UNC13C: variants seen among roughly 807,000 people sequenced by gnomAD.
UNC13C encodes protein unc-13 homolog C.
A neutral mutation model predicts 245.4 loss-of-function variants in UNC13C; 174 were observed. That is an observed-to-expected ratio of 0.71 (90% CI 0.63 to 0.80). The LOEUF (loss-of-function observed/expected upper bound fraction) is 0.80. UNC13C is among the 30% of genes least tolerant of loss of function. UNC13C has a pLI of 0.00. For missense variants in UNC13C, 2,829 were observed against 2,602.9 expected (o/e 1.09, Z -1.89); for synonymous variants, 992 against 895.1 (o/e 1.11, Z -1.93).
At chr15:53,995,631 A>G (rs1369409306) in intron 1 of UNC13C, among the ~76,000 whole-genome samples, 1 of 152,102 alleles carries the variant, frequency 6.6e-6, no homozygotes, top group Non-Finnish European at 1.5e-5. Context: ...TTTCTGGACG[A>G]GTCTTAATCA....
At chr15:54,421,732 A>G (rs926976634) in intron 19 of UNC13C, among the ~76,000 whole-genome samples, 4 of 152,212 alleles carry the variant, frequency 2.6e-5, no homozygotes, top group Non-Finnish European at 5.9e-5. Context: ...TCCTTATGCA[A>G]GTAGAAACTA....
At chr15:54,456,211 G>A (rs1434085139) in intron 19 of UNC13C, among the ~76,000 whole-genome samples, 5 of 152,234 alleles carry the variant, frequency 3.3e-5, no homozygotes, top group East Asian at 1.9e-4. Flanking sequence ...TGGCCTACAT[G>A]CCTGTTTTTC....
chr15:54,549,749 G>T (rs1896650751), intron 28 of UNC13C, 58 bp downstream of exon 28: 1 of 1,078,498 alleles, frequency 9.3e-7, no homozygotes, highest in African/African-American at 1.6e-5. Flanking sequence ...CTACAGTTCT[G>T]CAAGCATCCT....
At chr15:54,214,125 C>CT (rs1312136867) in intron 4 of UNC13C, among the ~76,000 whole-genome samples, 1 of 151,900 alleles carries the variant, frequency 6.6e-6, no homozygotes, top group Non-Finnish European at 1.5e-5. Context: ...ACAGTTGTTG[C>CT]TTTTTTAAAA....
At chr15:54,154,375 T>C (rs1352165386) in intron 4 of UNC13C, among the ~76,000 whole-genome samples, 1 of 152,146 alleles carries the variant, frequency 6.6e-6, no homozygotes, top group East Asian at 1.9e-4. Context: ...ATAAAATACA[T>C]ACTTATACAA....
intron 2 of UNC13C, among the ~76,000 whole-genome samples, chr15:54,097,914 G>A (rs1017586687): frequency 6.6e-6 from 1 of 152,178 alleles, no homozygotes; most frequent in Admixed American, 6.5e-5. Context: ...TTAGAAAAGA[G>A]TAAGCCTTCC....
chr15:54,534,500 G>C (rs904763317), intron 26 of UNC13C, among the ~76,000 whole-genome samples: 6 of 152,190 alleles, frequency 3.9e-5, no homozygotes, highest in Non-Finnish European at 7.3e-5. Context: ...GAACCAGCAT[G>C]AGAACTCTGG....
intron 17 of UNC13C, among the ~76,000 whole-genome samples, chr15:54,353,549 A>G (rs985185862): frequency 6.6e-6 from 1 of 152,204 alleles, no homozygotes; most frequent in African/African-American, 2.4e-5. Context: ...GAGGTACGGT[A>G]GAATCACTTT....
intron 18 of UNC13C, among the ~76,000 whole-genome samples, chr15:54,397,313 T>G (rs1170254730): frequency 6.6e-6 from 1 of 151,532 alleles, no homozygotes; most frequent in Non-Finnish European, 1.5e-5. Context: ...TTTGGCATCT[T>G]GGAGAAAACT....
chr15:54,603,651 C>T (rs1899580395), intron 30 of UNC13C, among the ~76,000 whole-genome samples: 1 of 152,068 alleles, frequency 6.6e-6, no homozygotes, highest in South Asian at 2.1e-4. Context: ...CACTTGAGGC[C>T]AGGAGTTTGA....
chr15:54,119,832 A>T (rs1240344949), intron 2 of UNC13C, among the ~76,000 whole-genome samples: 2 of 152,192 alleles, frequency 1.3e-5, no homozygotes, highest in East Asian at 3.9e-4. Context: ...ATCTGGATAG[A>T]TCATATCAGC....
chr15:54,285,095 C>A (rs990627637), intron 10 of UNC13C, among the ~76,000 whole-genome samples: 1 of 152,134 alleles, frequency 6.6e-6, no homozygotes, highest in Non-Finnish European at 1.5e-5. Context: ...AAAGCCAGTG[C>A]ATGAACTCCT....
chr15:53,897,869 G>A, the UNC13C span, among the ~76,000 whole-genome samples: 495 of 152,152 alleles, frequency 3.3e-3, 4 homozygotes, highest in African/African-American at 0.011. Context: ...AGAATGCCCC[G>A]ACCGCCTTCA....
the UNC13C span, among the ~76,000 whole-genome samples, chr15:53,893,177 G>A: frequency 1.3e-5 from 2 of 152,206 alleles, no homozygotes; most frequent in Non-Finnish European, 2.9e-5. Context: ...GATATCACCA[G>A]CGAAGTCTGC....
intron 2 of UNC13C, among the ~76,000 whole-genome samples, chr15:54,042,468 T>C (rs190118830): frequency 3.3e-5 from 5 of 152,280 alleles, no homozygotes; most frequent in African/African-American, 1.2e-4. Context: ...ATAGGGGAAG[T>C]GAAGAATCTT....
rs766487816 is a variant in UNC13C, at chr15:54,012,953, T to A, written c.50T>A (p.Leu17His). 2 of 1,613,316 alleles carry A rather than the reference T, an allele frequency of 1.2e-6. No individual in the cohort carries two copies. The highest frequency in any genetic ancestry group is 1.7e-6 in the Non-Finnish European group (2 of 1,179,688). ...TTGATTTTACCTTACATTCATAAGCTTTGCAAAGGAATGTTTACAAAGAAA... is the reference window on the plus strand; with the variant it reads ...TTGATTTTACCTTACATTCATAAGCATTGCAAAGGAATGTTTACAAAGAAA... ...KSLILPYIHK[L>H]CKGMFTKKLG... Residue 17 changes from leucine to histidine, a missense_variant, in exon 2 of 33, where the codon CTT (leucine) becomes CAT (histidine). Physicochemically the swap from Leu to His is moderately conservative, Grantham distance 99. Transcript: ENST00000260323.
the UNC13C span, among the ~76,000 whole-genome samples, chr15:53,906,215 A>G: frequency 2.0e-5 from 3 of 152,240 alleles, no homozygotes; most frequent in African/African-American, 7.2e-5. Context: ...AGTCCCAGCT[A>G]CTAGGGAGGC....
chr15:54,561,795 T>G (rs1897306865), intron 29 of UNC13C, among the ~76,000 whole-genome samples: 1 of 152,008 alleles, frequency 6.6e-6, no homozygotes, highest in Admixed American at 6.6e-5. Flanking sequence ...AGTTCAAGAT[T>G]GTAGCCAGAG....
At chr15:54,187,711 A>G (rs1002226524) in intron 4 of UNC13C, among the ~76,000 whole-genome samples, 1 of 152,132 alleles carries the variant, frequency 6.6e-6, no homozygotes, top group Non-Finnish European at 1.5e-5. Flanking sequence ...ATAGCACTCA[A>G]GCAGCTGTAT....
Sources: gnomAD v4.1 joint callset for allele counts (sites outside exome capture counted in the v4.1 genomes callset) on GRCh38, gnomAD v4.1.1 for gene constraint, MANE v1.5 for transcripts, NCBI Gene and HGNC (gene_info 2026-07-23, HGNC 2026-07-21) for gene names.